NELFA: variants seen among roughly 807,000 people sequenced by gnomAD.
NELFA encodes the protein negative elongation factor A.
NELFA carries 35 observed loss-of-function variants against 51.8 expected under a neutral mutation model. That is an observed-to-expected ratio of 0.68 (90% confidence interval 0.52 to 0.90). The LOEUF (loss-of-function observed/expected upper bound fraction) is 0.90, where lower values mean the gene tolerates loss of function less well. Among genes scored for constraint, NELFA ranks in the 40% least tolerant of loss-of-function variants. The probability of loss-of-function intolerance (pLI) is 0.00; values close to 1 mark genes in which losing one functional copy is unlikely to be tolerated. For missense variants in NELFA, 658 were observed against 746.4 expected, an observed-to-expected ratio of 0.88 and a Z score of 1.38; for synonymous variants, 417 against 338.4, an observed-to-expected ratio of 1.23 and a Z score of -2.55.
chr4:1,986,271 C>T lies in NELFA; in HGVS notation c.765+1G>A, dbSNP rs767815116. 6.3e-7 allele frequency: 1 copy of T among 1,578,418 alleles called. No homozygotes were observed. ...CCACAGGAGCTGGGGGACGGGCCTA[C>T]CTTCACACCTCGTTCCTTCCGCAGC... On this transcript the variant is annotated splice_donor_variant, in intron 5 of 10. Coordinates refer to ENST00000382882, the MANE Select transcript of NELFA (RefSeq NM_005663.5). LOFTEE classifies it high-confidence loss of function.
intron 1 of NELFA, among the ~76,000 whole-genome samples, chr4:1,996,813 T>A (rs1031635380): frequency 4.6e-5 from 7 of 152,216 alleles, no homozygotes; most frequent in African/African-American, 1.7e-4. Context: ...ACGCCTGTGA[T>A]CCCAGCTACT....
At chr4:1,983,563 G>A (rs758717937) in intron 10 of NELFA, 33 bp downstream of exon 10, 15 of 1,612,366 alleles carry the variant, frequency 9.3e-6, no homozygotes, top group Middle Eastern at 1.6e-4. Flanking sequence ...AACCCGGCCC[G>A]GTGCACCCCC....
At chr4:1,992,965 C>T (rs1373353165) in intron 1 of NELFA, among the ~76,000 whole-genome samples, 1 of 152,180 alleles carries the variant, frequency 6.6e-6, no homozygotes, top group Non-Finnish European at 1.5e-5. Context: ...GCGCCCCGGG[C>T]CCTCACTCCC....
At position 1,983,900 on chromosome 4, in the gene NELFA, G is replaced by T. The variant is rs774395199; in HGVS notation, c.1250C>A (p.Pro417Gln). 6.2e-7 allele frequency: 1 copy of T among 1,601,818 alleles called. No individual in the cohort carries two copies. The highest frequency in any genetic ancestry group is 2.2e-5 in the East Asian group (1 of 44,752). The change falls in exon 9 of 11, where the codon CCG (proline) becomes CAG (glutamine). Residue 417 changes from proline (P) to glutamine (Q), a missense_variant. Pro to Gln is a moderately conservative substitution (Grantham distance 76, BLOSUM62 -1). Around this residue, in one of 3 missense-constraint regions of NELFA, gnomAD observed 200 missense variants for 167.9 expected, o/e 1.19. Coordinates refer to ENST00000382882, the MANE Select transcript of NELFA (RefSeq NM_005663.5). ...CTGCTGAGCAGGGGCCTGGGTCTGCGGGGCCACCATGGCAACCGGGGGTGT... is the reference window on the plus strand; with the variant it reads ...CTGCTGAGCAGGGGCCTGGGTCTGCTGGGCCACCATGGCAACCGGGGGTGT... ...TQTPPVAMVA[P>Q]QTQAPAQQQP...
chr4:1,990,464 C>A, intron 2 of NELFA: 1 of 456,744 alleles, frequency 2.2e-6, no homozygotes, highest in South Asian at 1.5e-5. Context: ...CCGGCCTCAG[C>A]CTTCCTGCCC....
chr4:1,993,365 A>G (rs1728333855), intron 1 of NELFA, among the ~76,000 whole-genome samples: 1 of 152,066 alleles, frequency 6.6e-6, no homozygotes, highest in South Asian at 2.1e-4. Flanking sequence ...GCGGCTCACG[A>G]GGTCAGGAGT....
chr4:2,002,063 G>T (rs1054939422), intron 1 of NELFA, among the ~76,000 whole-genome samples: 1 of 151,888 alleles, frequency 6.6e-6, no homozygotes, highest in Non-Finnish European at 1.5e-5. Context: ...AGCCAGGCAT[G>T]GTGGCGGGCG....
chr4:1,991,538 A>AT lies in NELFA; in HGVS notation c.382+5_382+6insA. 1 of 1,613,776 alleles carries AT rather than the reference A, an allele frequency of 6.2e-7. No individual in the cohort carries two copies. Reference sequence around the variant, plus strand: ...ACCCAACATGAATTAAAGCAGCACAACATACCCTTTTCTCTAAGTTCTCCC... The same window carrying AT: ...ACCCAACATGAATTAAAGCAGCACAATCATACCCTTTTCTCTAAGTTCTCCC... On this transcript the variant is annotated splice_donor_region_variant and intron_variant, in intron 2 of 10. Transcript: ENST00000382882.
At chr4:1,992,184 G>T (rs115260375) in intron 1 of NELFA, 217 of 216,360 alleles carry the variant, frequency 1.0e-3, no homozygotes, top group African/African-American at 4.8e-3. Flanking sequence ...TGGGCAGCAG[G>T]GGGTGGGGCC....
intron 8 of NELFA, 122 bp from the exon 9 acceptor site, chr4:1,984,235 C>A: frequency 8.2e-7 from 1 of 1,219,674 alleles, no homozygotes; most frequent in Non-Finnish European, 1.1e-6. Flanking sequence ...GACAAGAACT[C>A]CCTGTGGCCC....
At position 2,008,971 on chromosome 4, in the gene NELFA, G is replaced by C; in HGVS notation, c.-12C>G. On this transcript the variant is annotated 5_prime_UTR_variant, in exon 1 of 11. Coordinates refer to ENST00000382882, the MANE Select transcript of NELFA (RefSeq NM_005663.5). ...CGCATGGACGCCATCTTGGGGGAAA[G>C]CGCGCGCCGCTGCCCCGGCATCTTA... The C allele has an allele frequency of 6.4e-7, 1 of 1,552,162 alleles. No homozygotes were observed. The highest frequency in any genetic ancestry group is 8.7e-7 in the Non-Finnish European group (1 of 1,147,456).
At chr4:2,008,647 G>A (rs1478280258) in intron 1 of NELFA, 103 bp downstream of exon 1, 59 of 1,378,890 alleles carry the variant, frequency 4.3e-5, no homozygotes, top group Non-Finnish European at 5.6e-5. Context: ...AAGGGGGATG[G>A]GAAGGTTGGG....
At chr4:2,003,970 G>C (rs967963872) in intron 1 of NELFA, 1 of 151,952 alleles carries the variant, frequency 6.6e-6, no homozygotes, top group Non-Finnish European at 1.5e-5. Context: ...GGCCAACACG[G>C]TGAAACCCCG....
In NELFA at chr4:1,989,738, C is replaced by T; in HGVS notation, c.514G>A (p.Ala172Thr). Residue 172 changes from alanine (A) to threonine (T), a missense_variant, in exon 3 of 11, where the codon GCC (alanine) becomes ACC (threonine). Physicochemically the swap from Ala to Thr is moderately conservative, Grantham distance 58. This residue lies in a region of NELFA where 371 missense variants were observed against 448.3 expected (regional missense o/e 0.83). Coordinates refer to ENST00000382882, the MANE Select transcript of NELFA (RefSeq NM_005663.5). This position sits in a 1 kb window ranked among gnomAD's most constrained non-coding sequence, Gnocchi z 4.8. Reference protein sequence around the residue: ...HFQLKRKPKSATLRAELLQKS... With the variant: ...HFQLKRKPKSTTLRAELLQKS... Reference sequence around the variant, plus strand: ...TGCAGCAGCTCCGCCCGCAGCGTGGCGCTCTTGGGTTTCCGCTTTAACTGA... The same window carrying T: ...TGCAGCAGCTCCGCCCGCAGCGTGGTGCTCTTGGGTTTCCGCTTTAACTGA... 2 of 1,614,000 alleles carry T rather than the reference C, an allele frequency of 1.2e-6. No individual in the cohort carries two copies. Among genetic ancestry groups the T allele is most frequent in the Non-Finnish European group, 1.7e-6 (2 of 1,180,002 alleles).
At position 1,986,042 on chromosome 4, in the gene NELFA, C is replaced by T. The variant is rs1185924544; in HGVS notation, c.835+72G>A. ...CACAGCCCTGCCCGCCGAGCGTGGG[C>T]ACAACCCACCCCAACTGGGCAGGGC... On this transcript the variant is annotated intron_variant, in intron 6 of 10. Coordinates refer to ENST00000382882, the MANE Select transcript of NELFA (RefSeq NM_005663.5). The T allele has an allele frequency of 5.3e-6, 8 of 1,506,172 alleles. No individual in the cohort carries two copies. The South Asian group carries it at 8.5e-5, about 16-fold the overall frequency. The allele number at this position is 1,506,172 out of a possible 1,614,324, so 93.3% of individuals were successfully genotyped here.
At chr4:1,996,989 C>T (rs1296837893) in intron 1 of NELFA, among the ~76,000 whole-genome samples, 2 of 152,106 alleles carry the variant, frequency 1.3e-5, no homozygotes, top group Non-Finnish European at 2.9e-5. Context: ...TGGTGCATGC[C>T]TGCAGTCTTA....
chr4:2,008,654 T>TG, intron 1 of NELFA, 96 bp downstream of exon 1: 3 of 1,227,816 alleles, frequency 2.4e-6, no homozygotes, highest in Non-Finnish European at 3.2e-6. Context: ...ATGGGAAGGT[T>TG]GGGGGAGGGA....
rs943057284 is a variant in NELFA, at chr4:1,983,347, T to C, written c.1559A>G (p.Lys520Arg). 1 of 1,614,092 alleles carries C rather than the reference T, an allele frequency of 6.2e-7. No homozygotes were observed. The highest frequency in any genetic ancestry group is 1.7e-5 in the Admixed American group (1 of 60,008). The change falls in exon 11 of 11, where the codon AAG (lysine) becomes AGG (arginine). Residue 520 changes from lysine to arginine, a missense_variant. By Grantham distance (26) the Lys-to-Arg change is conservative (BLOSUM62 2). Coordinates refer to ENST00000382882, the MANE Select transcript of NELFA (RefSeq NM_005663.5). Reference protein sequence around the residue: ...YATGQWTRFKKYKPMTNVS With the variant: ...YATGQWTRFKRYKPMTNVS Reference sequence around the variant, plus strand: ...GGACACATTGGTCATGGGCTTGTACTTCTTGAAGCGCGTCCACTGGCCCGT... The same window carrying C: ...GGACACATTGGTCATGGGCTTGTACCTCTTGAAGCGCGTCCACTGGCCCGT...
chr4:2,006,606 T>C (rs944405500), intron 1 of NELFA, among the ~76,000 whole-genome samples: 9 of 151,280 alleles, frequency 5.9e-5, no homozygotes, highest in African/African-American at 1.9e-4. Flanking sequence ...CCCATCTCCA[T>C]ACACATGCAC....
Sources: allele counts gnomAD v4.1 joint callset (sites outside exome capture counted in the v4.1 genomes callset), GRCh38; gene constraint gnomAD v4.1.1; regional missense constraint gnomAD v4.1.1; non-coding constraint Gnocchi (gnomAD v3.1); transcripts MANE v1.5; gene names NCBI Gene and HGNC (gene_info 2026-07-23, HGNC 2026-07-21).